The following ITPR2 variants were observed in gnomAD, a reference collection of about 807,000 sequenced individuals.
The protein encoded by ITPR2 is inositol 1,4,5-trisphosphate receptor type 2.
In ITPR2, 207 loss-of-function variants were observed where a neutral mutation model predicts 317.1. That is an observed-to-expected ratio of 0.65 (90% CI 0.58 to 0.73). The LOEUF is 0.73. Among genes scored for constraint, ITPR2 ranks in the 30% least tolerant of loss-of-function variants. ITPR2 has a pLI of 0.00. For synonymous variants in ITPR2, 1,156 were observed against 1,149.1 expected, an observed-to-expected ratio of 1.01 and a Z score of -0.12; for missense variants, 2,613 against 3,284.0, an observed-to-expected ratio of 0.80 and a Z score of 4.99.
intron 21 of ITPR2, among the ~76,000 whole-genome samples, chr12:26,643,226 ATGTT>A (rs1468814148): frequency 2.0e-5 from 3 of 152,328 alleles, no homozygotes; most frequent in East Asian, 1.9e-4. Context: ...TGAGAAATAA[ATGTT>A]TGTTGTTTTG....
At chr12:26,592,967 T>C (rs1945745478) in intron 32 of ITPR2, among the ~76,000 whole-genome samples, 1 of 152,232 alleles carries the variant, frequency 6.6e-6, no homozygotes, top group South Asian at 2.1e-4. Flanking sequence ...CATTATCTCA[T>C]TGGATTCTCC....
At chr12:26,424,240 G>C (rs1940977407) in intron 49 of ITPR2, among the ~76,000 whole-genome samples, 1 of 152,202 alleles carries the variant, frequency 6.6e-6, no homozygotes, top group Non-Finnish European at 1.5e-5. Flanking sequence ...AGCGAAGACA[G>C]ATCAGGCTTT....
At chr12:26,817,004 C>G (rs1288671336) in intron 1 of ITPR2, among the ~76,000 whole-genome samples, 1 of 151,332 alleles carries the variant, frequency 6.6e-6, no homozygotes, top group African/African-American at 2.4e-5. Context: ...ACGGTGAAAC[C>G]CCATCTCTAC....
In ITPR2 at chr12:26,336,000, C is replaced by G. The variant is rs1013725482; in HGVS notation, c.*3397G>C. 1.3e-5 allele frequency: 2 copies of G among 152,228 alleles called. No individual in the cohort carries two copies. The highest frequency in any genetic ancestry group is 6.6e-5 in the Admixed American group (1 of 15,266). The allele number at this position is 152,228 out of a possible 1,614,324, so 9.4% of individuals were successfully genotyped here. ...ATCTTATGGTAGTTGCTCTTCCACA[C>G]AGCTTTGTTCTCTGCATGGGTGAGG... On this transcript the variant is annotated 3_prime_UTR_variant, in exon 57 of 57. Coordinates refer to ENST00000381340, the MANE Select transcript of ITPR2 (RefSeq NM_002223.4).
chr12:26,554,620 C>A (rs1042656081), intron 36 of ITPR2, among the ~76,000 whole-genome samples: 1 of 152,106 alleles, frequency 6.6e-6, no homozygotes, highest in East Asian at 1.9e-4. Context: ...CTTGCCAACC[C>A]GTTCCAGGCT....
intron 1 of ITPR2, among the ~76,000 whole-genome samples, chr12:26,818,291 T>A (rs530450092): frequency 6.6e-6 from 1 of 152,228 alleles, no homozygotes; most frequent in Non-Finnish European, 1.5e-5. Context: ...AGTTCTTCAT[T>A]CAGATTCTCC....
At chr12:26,715,000 T>C (rs1401267623) in intron 8 of ITPR2, among the ~76,000 whole-genome samples, 2 of 152,194 alleles carry the variant, frequency 1.3e-5, no homozygotes, top group Non-Finnish European at 2.9e-5. Context: ...AGTCTTGACA[T>C]TTCACAATTG....
intron 45 of ITPR2, among the ~76,000 whole-genome samples, chr12:26,453,771 CT>C (rs1440091294): frequency 6.6e-6 from 1 of 152,238 alleles, no homozygotes; most frequent in African/African-American, 2.4e-5. Flanking sequence ...TCCACGTCCC[CT>C]CCCACATATT....
chr12:26,497,444 G>A (rs187692752), intron 37 of ITPR2, among the ~76,000 whole-genome samples: 45 of 37,386 alleles, frequency 1.2e-3, no homozygotes, highest in East Asian at 2.6e-3. Flanking sequence ...ATGAGCCACC[G>A]TGCCCACAAA....
intron 11 of ITPR2, 48 bp downstream of exon 11, chr12:26,686,433 C>G (rs781711685): frequency 8.0e-7 from 1 of 1,255,476 alleles, no homozygotes; most frequent in East Asian, 2.5e-5. Context: ...TCCTCACCTA[C>G]TGGTATAATT....
At chr12:26,573,936 G>C (rs1181471758) in intron 34 of ITPR2, among the ~76,000 whole-genome samples, 2 of 152,178 alleles carry the variant, frequency 1.3e-5, no homozygotes, top group Non-Finnish European at 1.5e-5. Context: ...GTGGATTGCA[G>C]GGGCACATTT....
intron 55 of ITPR2, among the ~76,000 whole-genome samples, chr12:26,341,161 A>G (rs1455775089): frequency 6.6e-6 from 1 of 152,160 alleles, no homozygotes; most frequent in African/African-American, 2.4e-5. Context: ...TTTTACAGAT[A>G]AGGAAACAAG....
intron 51 of ITPR2, among the ~76,000 whole-genome samples, chr12:26,413,492 T>C (rs1333183470): frequency 2.6e-5 from 4 of 152,222 alleles, no homozygotes; most frequent in African/African-American, 4.8e-5. Context: ...CATGAAAGAA[T>C]AAACTTAGCA....
At chr12:26,809,285 G>T (rs1950691351) in intron 1 of ITPR2, among the ~76,000 whole-genome samples, 1 of 152,190 alleles carries the variant, frequency 6.6e-6, no homozygotes, top group Admixed American at 6.5e-5. Context: ...ATGTGACTCA[G>T]TGGCTTATGG....
chr12:26,471,197 A>G (rs990622556), intron 45 of ITPR2, among the ~76,000 whole-genome samples: 2 of 152,220 alleles, frequency 1.3e-5, no homozygotes, highest in East Asian at 3.8e-4. Context: ...TACTTCAGGT[A>G]GGCATTAAAT....
rs1942389496 is a variant in ITPR2 at position 26,475,200 on chromosome 12, A to T, written c.6342+96T>A. The T allele has an allele frequency of 2.8e-6, 4 of 1,404,892 alleles. No homozygotes were observed. In the Admixed American group the frequency reaches 7.3e-5, roughly 25 times the overall value. 87.0% of individuals were successfully genotyped at this position (1,404,892 alleles called of 1,614,324 possible). ...AACCTAGGATGGTAAGTGCTGAATA[A>T]ATGAAGGGACCAGAACTTGAAAATA... On this transcript the variant is annotated intron_variant, in intron 45 of 56. Coordinates refer to ENST00000381340, the MANE Select transcript of ITPR2 (RefSeq NM_002223.4).
At chr12:26,567,886 C>CA (rs1231941152) in intron 34 of ITPR2, among the ~76,000 whole-genome samples, 1 of 144,038 alleles carries the variant, frequency 6.9e-6, no homozygotes, top group African/African-American at 2.6e-5. Context: ...CAAATGCAAT[C>CA]AAAAACACAA....
chr12:26,595,686 T>TA, intron 31 of ITPR2, 96 bp from the exon 32 acceptor site: 1 of 994,200 alleles, frequency 1.0e-6, no homozygotes, highest in East Asian at 2.6e-5. Flanking sequence ...TGTTAGTTTT[T>TA]ATGGTAGATC....
intron 49 of ITPR2, among the ~76,000 whole-genome samples, chr12:26,423,252 G>C (rs1302997528): frequency 6.6e-6 from 1 of 152,116 alleles, no homozygotes; most frequent in African/African-American, 2.4e-5. Context: ...ATATATCACT[G>C]AATTTGTGTA....
Sources: gnomAD v4.1 joint callset for allele counts (sites outside exome capture counted in the v4.1 genomes callset) on GRCh38, gnomAD v4.1.1 for gene constraint, MANE v1.5 for transcripts, NCBI Gene and HGNC (gene_info 2026-07-23, HGNC 2026-07-21) for gene names.